The following OR5B12 variants were observed in gnomAD, a reference collection of about 807,000 sequenced individuals.
The protein encoded by OR5B12 is olfactory receptor 5B12.
For synonymous variants in OR5B12, 154 were observed against 138.0 expected, an observed-to-expected ratio of 1.12 and a Z score of -0.81; for missense variants, 418 against 377.0, an observed-to-expected ratio of 1.11 and a Z score of -0.90.
In OR5B12 at chr11:58,442,043, TA is replaced by T. The variant is rs1855506732; in HGVS notation, c.-20+2del. The T allele has an allele frequency of 6.6e-6, 1 of 152,222 alleles. No individual in the cohort carries two copies. The highest frequency in any genetic ancestry group is 1.5e-5 in the Non-Finnish European group (1 of 68,022). The allele number at this position is 152,222 out of a possible 1,614,324, so 9.4% of individuals were successfully genotyped here. The stretch of plus-strand genomic sequence containing the variant: ...AGACAATAGATTTGATCCAGAGACT[TA>T]CCTTTCTCCCTGAGAAATACAAAAT... On this transcript the variant is annotated splice_donor_variant, in intron 1 of 1. Coordinates refer to ENST00000641921, the MANE Select transcript of OR5B12 (RefSeq NM_001004733.3). LOFTEE classifies it low-confidence loss of function (5UTR_SPLICE).
intron 1 of OR5B12, among the ~76,000 whole-genome samples, chr11:58,441,290 C>T (rs1219679476): frequency 6.6e-6 from 1 of 152,048 alleles, no homozygotes; most frequent in Non-Finnish European, 1.5e-5. Flanking sequence ...TATTAATCAC[C>T]ATTCCTTCTG....
chr11:58,441,289 C>T (rs937375158), intron 1 of OR5B12, among the ~76,000 whole-genome samples: 2 of 152,090 alleles, frequency 1.3e-5, no homozygotes, highest in African/African-American at 4.8e-5. Context: ...TTATTAATCA[C>T]CATTCCTTCT....
chr11:58,440,081 G>A lies in OR5B12; in HGVS notation c.71C>T (p.Pro24Leu). 6.2e-7 allele frequency: 1 copy of A among 1,613,986 alleles called. No individual in the cohort carries two copies. Among genetic ancestry groups the A allele is most frequent in the Middle Eastern group, 1.6e-4 (1 of 6,062 alleles). Residue 24 changes from proline to leucine, a missense_variant, in exon 2 of 2, where the codon CCA becomes CTA. Coordinates refer to ENST00000641921, the MANE Select transcript of OR5B12 (RefSeq NM_001004733.3). ...GLTDDPELQI[P>L]LFIVFLFIYL... ...GATGAAAAGGAAGACTATGAAGAGT[G>A]GGATCTGCAGTTCTGGGTCATCAGT...
rs185853108 is a variant in OR5B12 at position 58,441,734 on chromosome 11, C to T, written c.-20+312G>A. On this transcript the variant is annotated intron_variant, in intron 1 of 1. Transcript: ENST00000641921. ...AAAATTACTTAGGCTATGGATATAA[C>T]GTGTATATAAAACATAAATGAATTT... Among the ~76,000 whole-genome samples the T allele has an allele frequency of 3.8e-3, 579 of 152,160 alleles. 1 individual carries two copies. The highest frequency in any genetic ancestry group is 0.018 in the South Asian group (87 of 4,820).
At position 58,439,029 on chromosome 11, in the gene OR5B12, A is replaced by G. The variant is rs1855466088; in HGVS notation, c.*178T>C. 4.9e-6 allele frequency: 2 copies of G among 407,738 alleles called. No homozygotes were observed. The highest frequency in any genetic ancestry group is 4.1e-5 in the Admixed American group (1 of 24,456). The allele number at this position is 407,738 out of a possible 1,614,324, so 25.3% of individuals were successfully genotyped here. On this transcript the variant is annotated 3_prime_UTR_variant, in exon 2 of 2. Coordinates refer to ENST00000641921, the MANE Select transcript of OR5B12 (RefSeq NM_001004733.3). ...AATATGCTATTTTTTATTATTTAAAATGTCCAGATTTTAACAACAAAAAAA... is the reference window on the plus strand; with the variant it reads ...AATATGCTATTTTTTATTATTTAAAGTGTCCAGATTTTAACAACAAAAAAA...
In OR5B12 at chr11:58,439,831, A is replaced by G; in HGVS notation, c.321T>C (p.Thr107=). The G allele has an allele frequency of 6.2e-7, 1 of 1,614,220 alleles. No homozygotes were observed. The highest frequency in any genetic ancestry group is 1.3e-5 in the African/African-American group (1 of 75,068). Reference sequence around the variant, plus strand: ...TTGATGCCAGGAGGAAACTTTCTGCAGTGATAAAGGCTACAAAGAAGAAGA... The same window carrying G: ...TTGATGCCAGGAGGAAACTTTCTGCGGTGATAAAGGCTACAAAGAAGAAGA... The part of the protein sequence containing the change: ...TQFFFFVAFI[T]AESFLLASMA... Residue 107 remains threonine (T), a synonymous_variant, in exon 2 of 2, where the codon ACT becomes ACC. Transcript: ENST00000641921.
In OR5B12 at chr11:58,439,593, A is replaced by G; in HGVS notation, c.559T>C (p.Cys187Arg). The part of the protein sequence containing the change: ...CDAPPLLTLS[C>R]SDNYISEMVI... The stretch of plus-strand genomic sequence containing the variant: ...ATCTCACTGATGTAGTTGTCTGAAC[A>G]TGAGAGAGTCAAGAGAGGAGGAGCA... The change falls in exon 2 of 2, where the codon TGT becomes CGT. Residue 187 changes from cysteine to arginine, a missense_variant. Physicochemically the swap from Cys to Arg is radical, Grantham distance 180. Transcript: ENST00000641921. The G allele has an allele frequency of 2.5e-6, 4 of 1,614,090 alleles. No individual in the cohort carries two copies. Among genetic ancestry groups the G allele is most frequent in the Non-Finnish European group, 3.4e-6 (4 of 1,180,018 alleles).
Position 58,439,169 on chromosome 11 carries a change from G to T in OR5B12, c.*38C>A. 1 of 1,178,412 alleles carries T rather than the reference G, an allele frequency of 8.5e-7. No individual in the cohort carries two copies. The highest frequency in any genetic ancestry group is 1.6e-5 in the South Asian group (1 of 62,822). 73.0% of individuals were successfully genotyped at this position (1,178,412 alleles called of 1,614,324 possible). A position where few individuals can be genotyped will look rare whatever the true frequency, so the allele number is the denominator to read the frequency against. The stretch of plus-strand genomic sequence containing the variant: ...GGGCTTGGTAGACAAAGATTAATAT[G>T]AGGTGGAAAAAATTATCTTATTGTG... On this transcript the variant is annotated 3_prime_UTR_variant, in exon 2 of 2. Transcript: ENST00000641921.
rs752096888 is a variant in OR5B12 at position 58,439,847 on chromosome 11, A to G, written c.305T>C (p.Phe102Ser). 3.7e-6 allele frequency: 6 copies of G among 1,614,136 alleles called. No homozygotes were observed. The South Asian group carries it at 6.6e-5, about 18-fold the overall frequency. ...YNACATQFFF[F>S]VAFITAESFL... The stretch of plus-strand genomic sequence containing the variant: ...ACTTTCTGCAGTGATAAAGGCTACA[A>G]AGAAGAAGAATTGTGTGGCACAAGC... Residue 102 changes from phenylalanine (F) to serine (S), a missense_variant, in exon 2 of 2, where the codon TTT (phenylalanine) becomes TCT (serine). Physicochemically the swap from Phe to Ser is radical, Grantham distance 155. Transcript: ENST00000641921.
Position 58,439,390 on chromosome 11 carries a change from G to A in OR5B12, c.762C>T (p.Ile254=). 1 of 1,614,050 alleles carries A rather than the reference G, an allele frequency of 6.2e-7. No individual in the cohort carries two copies. The highest frequency in any genetic ancestry group is 8.5e-7 in the Non-Finnish European group (1 of 1,179,994). The change falls in exon 2 of 2, where the codon ATC becomes ATT. Residue 254 remains isoleucine, a synonymous_variant. Coordinates refer to ENST00000641921, the MANE Select transcript of OR5B12 (RefSeq NM_001004733.3). ...TAVSIFYGTG[I]FMYLRPNSSH... is the part of the protein sequence containing the mutation. Reference sequence around the variant, plus strand: ...TGGAGTTAGGTCGTAAGTACATAAAGATTCCTGTCCCATAAAAGATGGAAA... The same window carrying A: ...TGGAGTTAGGTCGTAAGTACATAAAAATTCCTGTCCCATAAAAGATGGAAA...
intron 1 of OR5B12, among the ~76,000 whole-genome samples, chr11:58,440,704 C>T (rs1398464590): frequency 6.6e-6 from 1 of 152,126 alleles, no homozygotes; most frequent in Non-Finnish European, 1.5e-5. Flanking sequence ...ATGCAAATAA[C>T]CTACATTTCT....
chr11:58,441,885 A>G (rs1231751129), intron 1 of OR5B12, among the ~76,000 whole-genome samples, 161 bp downstream of exon 1: 3 of 152,192 alleles, frequency 2.0e-5, no homozygotes, highest in Admixed American at 6.5e-5. Context: ...TACTCAACAT[A>G]TATAGCCTCT....
chr11:58,439,927 G>A lies in OR5B12; in HGVS notation c.225C>T (p.Val75=). Residue 75 remains valine, a synonymous_variant, in exon 2 of 2, where the codon GTC becomes GTT. Coordinates refer to ENST00000641921, the MANE Select transcript of OR5B12 (RefSeq NM_001004733.3). The part of the protein sequence containing the change: ...SLVDFGYSSA[V]TPKVMVGFLT... ...GAAACCCCACCATCACCTTGGGAGTGACAGCTGAGGAATAACCAAAGTCCA... is the reference window on the plus strand; with the variant it reads ...GAAACCCCACCATCACCTTGGGAGTAACAGCTGAGGAATAACCAAAGTCCA... The A allele has an allele frequency of 6.2e-7, 1 of 1,614,076 alleles. No individual in the cohort carries two copies.
chr11:58,439,846 AAAG>A lies in OR5B12; in HGVS notation c.303_305del (p.Phe102del), dbSNP rs775407857. ...AACTTTCTGCAGTGATAAAGGCTAC[AAAG>A]AAGAAGAATTGTGTGGCACAAGCAT... On this transcript the variant is annotated inframe_deletion, in exon 2 of 2. Transcript: ENST00000641921. 6.8e-6 allele frequency: 11 copies of A among 1,614,182 alleles called. No individual in the cohort carries two copies. Among genetic ancestry groups the A allele is most frequent in the Admixed American group, 5.0e-5 (3 of 60,004 alleles).
rs1565160570 is a variant in OR5B12 at position 58,439,255 on chromosome 11, A to G, written c.897T>C (p.Phe299=). 2 of 1,612,298 alleles carry G rather than the reference A, an allele frequency of 1.2e-6. No homozygotes were observed. The highest frequency in any genetic ancestry group is 1.7e-6 in the Non-Finnish European group (2 of 1,178,852). ...CCTTTGCCTTCCCTACAGTCTTTTT[A>G]AAGGCACTCTTAACCTCTTTGTTCC... is the stretch of plus-strand genomic sequence containing the variant. The part of the protein sequence containing the change: ...SLRNKEVKSA[F]KKTVGKAKAS... Residue 299 remains phenylalanine (F), a synonymous_variant, in exon 2 of 2, where the codon TTT becomes TTC. Coordinates refer to ENST00000641921, the MANE Select transcript of OR5B12 (RefSeq NM_001004733.3).
Position 58,439,622 on chromosome 11 carries a change from C to T in OR5B12, c.530G>A (p.Cys177Tyr), listed in dbSNP as rs764051179. Residue 177 changes from cysteine to tyrosine, a missense_variant, in exon 2 of 2, where the codon TGT (cysteine) becomes TAT (tyrosine). Physicochemically the swap from Cys to Tyr is radical, Grantham distance 194. Coordinates refer to ENST00000641921, the MANE Select transcript of OR5B12 (RefSeq NM_001004733.3). The part of the protein sequence containing the change: ...CRSNVVEHFF[C>Y]DAPPLLTLSC... ...GAGAGTCAAGAGAGGAGGAGCATCA[C>T]AGAAAAAGTGTTCAACTACATTGGA... is the stretch of plus-strand genomic sequence containing the variant. 3 of 1,614,040 alleles carry T rather than the reference C, an allele frequency of 1.9e-6. No individual in the cohort carries two copies. The South Asian group carries it at 3.3e-5, about 18-fold the overall frequency.
chr11:58,441,280 TATTA>T (rs1387745166), intron 1 of OR5B12, among the ~76,000 whole-genome samples: 5 of 152,278 alleles, frequency 3.3e-5, no homozygotes, highest in Admixed American at 1.3e-4. Context: ...CTTCCTCATT[TATTA>T]ATCACCATTC....
chr11:58,440,451 A>G (rs1022478899), intron 1 of OR5B12, among the ~76,000 whole-genome samples: 1 of 152,198 alleles, frequency 6.6e-6, no homozygotes, highest in African/African-American at 2.4e-5. Context: ...AGATCATCAG[A>G]CTAATTAATT....
At position 58,440,031 on chromosome 11, in the gene OR5B12, G is replaced by A; in HGVS notation, c.121C>T (p.Leu41=). 1 of 1,614,070 alleles carries A rather than the reference G, an allele frequency of 6.2e-7. No homozygotes were observed. Among genetic ancestry groups the A allele is most frequent in the Non-Finnish European group, 8.5e-7 (1 of 1,179,978 alleles). ...FIYLITLVGN[L]GMIELILLDS... ...AGTAGAATCAATTCAATCATCCCCA[G>A]GTTCCCAACCAGAGTGATGAGGTAG... Residue 41 remains leucine, a synonymous_variant, in exon 2 of 2, where the codon CTG becomes TTG. Transcript: ENST00000641921.
Sources: allele counts gnomAD v4.1 joint callset (sites outside exome capture counted in the v4.1 genomes callset), GRCh38; gene constraint gnomAD v4.1.1; transcripts MANE v1.5; gene names NCBI Gene and HGNC (gene_info 2026-07-23, HGNC 2026-07-21).